Variants in PCDHGA7 observed in about 807,000 individuals in gnomAD.
PCDHGA7 encodes protocadherin gamma-A7.
A neutral mutation model predicts 58.3 loss-of-function variants in PCDHGA7; 44 were observed. The observed-to-expected ratio is 0.75, with a 90% confidence interval of 0.59 to 0.97. The LOEUF (loss-of-function observed/expected upper bound fraction) is 0.97. PCDHGA7 is among the 50% of genes least tolerant of loss of function. The pLI is 0.00. For missense variants in PCDHGA7, 1,266 were observed against 1,188.7 expected (o/e 1.06, Z -0.96); for synonymous variants, 516 against 504.2 (o/e 1.02, Z -0.31).
rs372043756 is a variant in PCDHGA7 at position 141,476,212 on chromosome 5, C to G, written c.2425-18595C>G. ...GTGCCTTGAACAAGGCTTCCACGGT[C>G]ATTCACTATGAGATCCCGGAGGAAA... On this transcript the variant is annotated intron_variant, in intron 1 of 3. Coordinates refer to ENST00000518325, the MANE Select transcript of PCDHGA7 (RefSeq NM_018920.4). The surrounding 1 kb of genome is among the most constrained non-coding windows in gnomAD (Gnocchi z 7.6). 6 of 1,613,932 alleles carry G rather than the reference C, an allele frequency of 3.7e-6. No individual in the cohort carries two copies. The highest frequency in any genetic ancestry group is 5.1e-6 in the Non-Finnish European group (6 of 1,180,012).
At chr5:141,442,033 G>T (rs2098292928) in intron 1 of PCDHGA7, 1 of 209,534 alleles carries the variant, frequency 4.8e-6, no homozygotes, top group Non-Finnish European at 9.8e-6. Context: ...AAAGCGACTC[G>T]CCAGCGCCTA....
Position 141,476,755 on chromosome 5 carries a change from G to A in PCDHGA7, c.2425-18052G>A, listed in dbSNP as rs1307512875. The stretch of plus-strand genomic sequence containing the variant: ...AACGGGAGCCTAGTCTCCAGTTAGT[G>A]CTGACGGCGTTGGACGGAGGGACCC... On this transcript the variant is annotated intron_variant, in intron 1 of 3. Coordinates refer to ENST00000518325, the MANE Select transcript of PCDHGA7 (RefSeq NM_018920.4). This position sits in a 1 kb window ranked among gnomAD's most constrained non-coding sequence, Gnocchi z 7.6. 1.2e-6 allele frequency: 2 copies of A among 1,613,828 alleles called. No homozygotes were observed. Among genetic ancestry groups the A allele is most frequent in the Non-Finnish European group, 1.7e-6 (2 of 1,180,036 alleles).
chr5:141,397,876 C>A (rs2093580679), intron 1 of PCDHGA7: 1 of 579,756 alleles, frequency 1.7e-6, no homozygotes, highest in East Asian at 2.9e-5. Flanking sequence ...TGACTCTGGG[C>A]GCCGCTGTTG....
In PCDHGA7 at chr5:141,477,595, T is replaced by C. The variant is rs1289890776; in HGVS notation, c.2425-17212T>C. The C allele has an allele frequency of 6.2e-7, 1 of 1,614,176 alleles. No individual in the cohort carries two copies. Among genetic ancestry groups the C allele is most frequent in the Non-Finnish European group, 8.5e-7 (1 of 1,180,032 alleles). ...ACGCCCCGCAGAATGCTCGGCTTTC[T>C]TTCTTTCTCTTGGAGCAAGGAGCTG... On this transcript the variant is annotated intron_variant, in intron 1 of 3. Coordinates refer to ENST00000518325, the MANE Select transcript of PCDHGA7 (RefSeq NM_018920.4). This position sits in a 1 kb window ranked among gnomAD's most constrained non-coding sequence, Gnocchi z 4.9.
intron 2 of PCDHGA7, among the ~76,000 whole-genome samples, chr5:141,504,960 T>C (rs9324851): frequency 0.59 from 89,328 of 151,916 alleles, 27,885 homozygotes; most frequent in African/African-American, 0.8. Context: ...TTCAATGCAT[T>C]GGACCAGCCT....
intron 1 of PCDHGA7, chr5:141,427,685 C>T: frequency 1.2e-6 from 1 of 852,116 alleles, no homozygotes; most frequent in Non-Finnish European, 1.9e-6. Context: ...TTCCCGGAGC[C>T]TCCATCCCAC....
At chr5:141,469,372 C>G (rs780872014) in intron 1 of PCDHGA7, among the ~76,000 whole-genome samples, 5 of 151,990 alleles carry the variant, frequency 3.3e-5, no homozygotes, top group Non-Finnish European at 5.9e-5. Flanking sequence ...GTAAAGAGAT[C>G]GAGACCATCC....
intron 1 of PCDHGA7, chr5:141,427,490 T>C (rs752745429): frequency 1.8e-6 from 1 of 551,082 alleles, no homozygotes; most frequent in Non-Finnish European, 3.5e-6. Flanking sequence ...ACTATAAGCT[T>C]GTAACAGATG....
At position 141,384,370 on chromosome 5, in the gene PCDHGA7, T is replaced by C. The variant is rs769961814; in HGVS notation, c.1471T>C (p.Leu491=). 1.9e-6 allele frequency: 3 copies of C among 1,613,926 alleles called. No homozygotes were observed. Among genetic ancestry groups the C allele is most frequent in the South Asian group, 2.2e-5 (2 of 91,088 alleles). The part of the protein sequence containing the change: ...SEDNAQITYS[L]AEDTIQGAPV... Reference sequence around the variant, plus strand: ...GGATAATGCCCAGATCACTTATTCCTTGGCCGAAGACACCATCCAGGGGGC... The same window carrying C: ...GGATAATGCCCAGATCACTTATTCCCTGGCCGAAGACACCATCCAGGGGGC... Residue 491 remains leucine, a synonymous_variant, in exon 1 of 4, where the codon TTG becomes CTG. Coordinates refer to ENST00000518325, the MANE Select transcript of PCDHGA7 (RefSeq NM_018920.4).
rs1190445239 is a variant in PCDHGA7 at position 141,431,331 on chromosome 5, A to T, written c.2424+46008A>T. 1 of 1,614,062 alleles carries T rather than the reference A, an allele frequency of 6.2e-7. No individual in the cohort carries two copies. The highest frequency in any genetic ancestry group is 1.7e-5 in the Admixed American group (1 of 60,026). On this transcript the variant is annotated intron_variant, in intron 1 of 3. Coordinates refer to ENST00000518325, the MANE Select transcript of PCDHGA7 (RefSeq NM_018920.4). The surrounding 1 kb of genome is among the most constrained non-coding windows in gnomAD (Gnocchi z 4.8). ...CAAAATGGAGCCGACGGTAGTAAGT[A>T]CCCCGAATTGGTGCTGAAACGCGCC...
chr5:141,492,106 C>T (rs1265796740), intron 1 of PCDHGA7, among the ~76,000 whole-genome samples: 2 of 152,238 alleles, frequency 1.3e-5, no homozygotes, highest in South Asian at 2.1e-4. Flanking sequence ...TGTAGATTTC[C>T]TCTTCGATTT....
At chr5:141,415,702 GC>G (rs754496290) in intron 1 of PCDHGA7, 1 of 1,403,056 alleles carries the variant, frequency 7.1e-7, no homozygotes, top group South Asian at 1.3e-5. Context: ...AAGTGTAAAT[GC>G]TAAAACACTG....
rs1472806327 is a variant in PCDHGA7 at position 141,447,891 on chromosome 5, G to C, written c.2425-46916G>C. Among the ~76,000 whole-genome samples the C allele has an allele frequency of 1.3e-5, 2 of 152,080 alleles. 1 individual carries two copies. Among genetic ancestry groups the C allele is most frequent in the African/African-American group, 4.8e-5 (2 of 41,408 alleles). On this transcript the variant is annotated intron_variant, in intron 1 of 3. Coordinates refer to ENST00000518325, the MANE Select transcript of PCDHGA7 (RefSeq NM_018920.4). Reference sequence around the variant, plus strand: ...ATCTGAGGTCAGGAGTTCGAGACCAGCCTGGCCAACATGGTGAAACTCTGT... The same window carrying C: ...ATCTGAGGTCAGGAGTTCGAGACCACCCTGGCCAACATGGTGAAACTCTGT...
intron 1 of PCDHGA7, among the ~76,000 whole-genome samples, chr5:141,447,744 T>G (rs1020767891): frequency 3.4e-4 from 51 of 152,206 alleles, no homozygotes; most frequent in African/African-American, 1.2e-3. Context: ...CTTAAGAGTC[T>G]TGCATGTGAC....
At position 141,431,280 on chromosome 5, in the gene PCDHGA7, C is replaced by G; in HGVS notation, c.2424+45957C>G. ...TCTCTGCAGAGCTACGAGCTCAGCC[C>G]GAACACTCACTTCTCCCTCATCGTG... On this transcript the variant is annotated intron_variant, in intron 1 of 3. Transcript: ENST00000518325. This position sits in a 1 kb window ranked among gnomAD's most constrained non-coding sequence, Gnocchi z 4.8. The G allele has an allele frequency of 6.2e-7, 1 of 1,614,146 alleles. No homozygotes were observed. The highest frequency in any genetic ancestry group is 8.5e-7 in the Non-Finnish European group (1 of 1,180,040).
At chr5:141,394,112 C>G (rs771784855) in intron 1 of PCDHGA7, 9 of 1,613,946 alleles carry the variant, frequency 5.6e-6, no homozygotes, top group African/African-American at 2.7e-5. Flanking sequence ...CACCTCTGTC[C>G]ACTGAAACTC....
intron 1 of PCDHGA7, among the ~76,000 whole-genome samples, chr5:141,449,240 G>A (rs535847654): frequency 6.6e-6 from 1 of 152,186 alleles, no homozygotes; most frequent in Non-Finnish European, 1.5e-5. Context: ...ATTTTCAAAG[G>A]AGTTGCAAGA....
At chr5:141,413,623 G>A (rs1454358985) in intron 1 of PCDHGA7, 2 of 1,613,752 alleles carry the variant, frequency 1.2e-6, no homozygotes, top group African/African-American at 1.3e-5. Flanking sequence ...TAATGAAAAT[G>A]TCGCTGCGGG....
At chr5:141,482,956 CCAGCTACTTGAG>C (rs6149271) in intron 1 of PCDHGA7, among the ~76,000 whole-genome samples, 62,216 of 151,640 alleles carry the variant, frequency 0.41, 15,336 homozygotes, top group African/African-American at 0.7. Context: ...GCCTGTAATT[CCAGCTACTTGAG>C]CAGCTACTTG....
Sources: gnomAD v4.1 joint callset for allele counts (sites outside exome capture counted in the v4.1 genomes callset) on GRCh38, gnomAD v4.1.1 for gene constraint, Gnocchi (gnomAD v3.1) non-coding constraint, MANE v1.5 for transcripts, NCBI Gene and HGNC (gene_info 2026-07-23, HGNC 2026-07-21) for gene names.